ARL17B: variants seen among roughly 807,000 people sequenced by gnomAD.
ARL17B encodes the protein ARF like GTPase 17B, also known as ADP-ribosylation factor-like protein 17.
rs1360524355 is a variant in ARL17B, at chr17:46,291,985, A to AAAAAAAAAAAAAAC, written c.*21+7540_*21+7541insGTTTTTTTTTTTTT. Among the ~76,000 whole-genome samples the AAAAAAAAAAAAAAC allele has an allele frequency of 1.4e-3, 106 of 76,570 alleles. 5 individuals carry two copies. The highest frequency in any genetic ancestry group is 1.8e-3 in the Non-Finnish European group (66 of 36,278). The allele number at this position is 76,570 out of a possible 152,430, so 50.2% of individuals were successfully genotyped here. On this transcript the variant is annotated intron_variant, in intron 4 of 4. Transcript: ENST00000570618. Reference sequence around the variant, plus strand: ...CTCAAAAAGCAAAAAAAAAAAAAAAAAAGCCAATAAAATCAATGGTCTAAT... The same window carrying AAAAAAAAAAAAAAC: ...CTCAAAAAGCAAAAAAAAAAAAAAAAAAAAAAAAAAAAACAAGCCAATAAAATCAATGGTCTAAT...
chr17:46,290,714 T>A (rs1367774496), intron 4 of ARL17B, among the ~76,000 whole-genome samples: 6 of 152,392 alleles, frequency 3.9e-5, no homozygotes, highest in African/African-American at 1.4e-4. Context: ...CCCAAAGTGC[T>A]GGGATTATAG....
At chr17:46,277,648 T>A (rs879919119) in intron 4 of ARL17B, among the ~76,000 whole-genome samples, 1 of 151,334 alleles carries the variant, frequency 6.6e-6, no homozygotes, top group Non-Finnish European at 1.5e-5. Context: ...TTTCTTTCTT[T>A]CTTTCTTTTT....
At chr17:46,281,348 A>G (rs1490508288) in intron 4 of ARL17B, among the ~76,000 whole-genome samples, 1 of 151,824 alleles carries the variant, frequency 6.6e-6, no homozygotes, top group Non-Finnish European at 1.5e-5. Context: ...GCTAGAATTT[A>G]AAGTCCCGTG....
intron 4 of ARL17B, among the ~76,000 whole-genome samples, chr17:46,281,490 A>G (rs1163255646): frequency 6.6e-6 from 1 of 151,972 alleles, no homozygotes; most frequent in Non-Finnish European, 1.5e-5. Context: ...CCTGGGCACA[A>G]GTGATCACAG....
At chr17:46,274,896 CT>C in exon 5 of ARL17B, 1 of 151,980 alleles carries the variant, frequency 6.6e-6, no homozygotes, top group Non-Finnish European at 1.5e-5. Flanking sequence ...TCTTTTCTTC[CT>C]TTTTTTGTTT....
At chr17:46,290,375 C>T (rs1228217809) in intron 4 of ARL17B, among the ~76,000 whole-genome samples, 7 of 121,940 alleles carry the variant, frequency 5.7e-5, no homozygotes, top group Non-Finnish European at 1.1e-4. Flanking sequence ...ATCCACCCAC[C>T]TCAGCCTTTT....
chr17:46,315,924 T>A (rs543994265), intron 3 of ARL17B, among the ~76,000 whole-genome samples: 1 of 71,722 alleles, frequency 1.4e-5, no homozygotes, highest in African/African-American at 3.7e-5. Flanking sequence ...CTTTTTCTTT[T>A]TTTTTTTTCT....
At chr17:46,282,506 C>A (rs1323619204) in intron 4 of ARL17B, among the ~76,000 whole-genome samples, 1 of 151,756 alleles carries the variant, frequency 6.6e-6, no homozygotes, top group Non-Finnish European at 1.5e-5. Flanking sequence ...CCTCAAACTC[C>A]TGTACTCAAG....
downstream of ARL17B, among the ~76,000 whole-genome samples, chr17:46,333,251 C>T (rs1489769019): frequency 1.6e-5 from 1 of 62,750 alleles, no homozygotes; most frequent in East Asian, 2.7e-4. Context: ...CATACTCTAG[C>T]CCTCCTGAGC....
intron 3 of ARL17B, chr17:46,322,355 A>AGATCC (rs2051435949): frequency 1.2e-6 from 1 of 866,940 alleles, no homozygotes; most frequent in African/African-American, 1.8e-5. Context: ...CAACTGTTGA[A>AGATCC]GATCCGTATC....
chr17:46,334,624 G>C (rs1234913107), downstream of ARL17B: 1 of 50,386 alleles, frequency 2.0e-5, no homozygotes, highest in Non-Finnish European at 3.6e-5. Context: ...GTCTTGCTAT[G>C]TTGCCCAGGC....
At position 46,312,662 on chromosome 17, in the gene ARL17B, A is replaced by G. The variant is rs567152991; in HGVS notation, c.260-12997T>C. Among the ~76,000 whole-genome samples, 174 of 78,642 alleles carry G rather than the reference A, an allele frequency of 2.2e-3. 2 individuals carry two copies. Among genetic ancestry groups the G allele is most frequent in the Middle Eastern group, 7.0e-3 (1 of 142 alleles). The allele number at this position is 78,642 out of a possible 152,430, so 51.6% of individuals were successfully genotyped here. Reference sequence around the variant, plus strand: ...GTGGGCAGAGGAAGATATAGAATGAAGGGGTAGCCGACTTTGTACAGAGCC... The same window carrying G: ...GTGGGCAGAGGAAGATATAGAATGAGGGGGTAGCCGACTTTGTACAGAGCC... On this transcript the variant is annotated intron_variant, in intron 3 of 4. Transcript: ENST00000434041.
chr17:46,351,048 G>T (rs1211073122), intron 3 of ARL17B, among the ~76,000 whole-genome samples: 2 of 16,488 alleles, frequency 1.2e-4, no homozygotes, highest in African/African-American at 1.8e-4. Flanking sequence ...CTGTCGCCCA[G>T]GCTGGGGTGC....
chr17:46,323,867 A>T (rs2051546001), intron 3 of ARL17B, among the ~76,000 whole-genome samples: 1 of 97,670 alleles, frequency 1.0e-5, no homozygotes, highest in Non-Finnish European at 2.3e-5. Context: ...CAATAAAAAC[A>T]GTAGAAAATT....
At chr17:46,311,653 G>T in intron 3 of ARL17B, among the ~76,000 whole-genome samples, 1 of 89,066 alleles carries the variant, frequency 1.1e-5, no homozygotes, top group Admixed American at 1.2e-4. Flanking sequence ...TATTTTGTGA[G>T]CTACCTTTAT....
At chr17:46,291,901 C>A (rs1366987727) in intron 4 of ARL17B, among the ~76,000 whole-genome samples, 2 of 145,112 alleles carry the variant, frequency 1.4e-5, no homozygotes, top group East Asian at 2.1e-4. Flanking sequence ...GGGGAGGCTG[C>A]GATGGGGTGT....
At chr17:46,333,154 T>C (rs2052106538), downstream of ARL17B, among the ~76,000 whole-genome samples, 1 of 107,602 alleles carries the variant, frequency 9.3e-6, no homozygotes, top group African/African-American at 2.9e-5. Flanking sequence ...ATTGTCTAAA[T>C]AGGTCCAGTT....
In ARL17B at chr17:46,281,918, A is replaced by G. The variant is rs1399000417; in HGVS notation, c.*22-6500T>C. ...CTCGGCCTCCCAAAGTGCTGGGATT[A>G]CAGGCATGAGCCATCACGCCTAGCC... On this transcript the variant is annotated intron_variant, in intron 4 of 4. Transcript: ENST00000570618. 2.9e-4 allele frequency among the ~76,000 whole-genome samples: 44 copies of G among 152,300 alleles called. No homozygotes were observed. The Middle Eastern group carries it at 0.014, about 47-fold the overall frequency.
downstream of ARL17B, among the ~76,000 whole-genome samples, chr17:46,333,637 CTGTG>C (rs1476555198): frequency 2.1e-4 from 8 of 37,968 alleles, 2 homozygotes; most frequent in African/African-American, 3.3e-4. Flanking sequence ...CTGCTTTTGT[CTGTG>C]TGTTTGTCCA....
Sources: gnomAD v4.1 joint callset for allele counts (sites outside exome capture counted in the v4.1 genomes callset) on GRCh38, gnomAD v4.1.1 for gene constraint, MANE v1.5 for transcripts, NCBI Gene and HGNC (gene_info 2026-07-23, HGNC 2026-07-21) for gene names.